The following NSUN7 variants were observed in gnomAD, a reference collection of about 807,000 sequenced individuals.
The protein encoded by NSUN7 is protein NSUN7.
In NSUN7, 39 loss-of-function variants were observed where a neutral mutation model predicts 58.5. The observed-to-expected ratio is 0.67, with a 90% CI of 0.52 to 0.87. The LOEUF (loss-of-function observed/expected upper bound fraction) is 0.87, where lower values mean the gene tolerates loss of function less well. NSUN7 is among the 40% of genes least tolerant of loss of function. The pLI, the probability that NSUN7 is intolerant of heterozygous loss-of-function variation, is 0.00. For synonymous variants in NSUN7, 278 were observed against 303.7 expected, an observed-to-expected ratio of 0.92 and a Z score of 0.88; for missense variants, 765 against 844.1, an observed-to-expected ratio of 0.91 and a Z score of 1.16.
Position 40,761,297 on chromosome 4 carries a change from A to G in NSUN7, c.484A>G (p.Asn162Asp). 1 of 1,599,120 alleles carries G rather than the reference A, an allele frequency of 6.3e-7. No homozygotes were observed. Among genetic ancestry groups the G allele is most frequent in the Non-Finnish European group, 8.5e-7 (1 of 1,175,000 alleles). The change falls in exon 4 of 12, where the codon AAC becomes GAC. Residue 162 changes from asparagine (N) to aspartate (D), a missense_variant. Transcript: ENST00000381782. ...AGTTCAAGAAGTAGAGAACCTTCTTAACAGGTAATCGTAAAAGTGAAAAGA... is the reference window on the plus strand; with the variant it reads ...AGTTCAAGAAGTAGAGAACCTTCTTGACAGGTAATCGTAAAAGTGAAAAGA... Reference protein sequence around the residue: ...SEVQEVENLLNSFKIKLAAAL... With the variant: ...SEVQEVENLLDSFKIKLAAAL...
chr4:40,772,174 C>A lies in NSUN7; in HGVS notation c.489-2091C>A, dbSNP rs550594944. Among the ~76,000 whole-genome samples the A allele has an allele frequency of 1.4e-4, 21 of 152,176 alleles. 1 individual carries two copies. The South Asian group carries it at 4.1e-3, about 30-fold the overall frequency. The stretch of plus-strand genomic sequence containing the variant: ...CTGGAAAATTGGAGATTTATTTCTC[C>A]TTACACTCCTCCCGTATACACAGCA... On this transcript the variant is annotated intron_variant, in intron 4 of 11. Coordinates refer to ENST00000381782, the MANE Select transcript of NSUN7 (RefSeq NM_024677.6).
At chr4:40,784,942 A>G (rs79311572) in intron 7 of NSUN7, among the ~76,000 whole-genome samples, 2,154 of 152,326 alleles carry the variant, frequency 0.014, 34 homozygotes, top group African/African-American at 0.043. Flanking sequence ...CACCGTACCT[A>G]GTGACTGCAC....
In NSUN7 at chr4:40,750,913, C is replaced by T. The variant is rs545916108; in HGVS notation, c.220C>T (p.Pro74Ser). 2.0e-5 allele frequency: 32 copies of T among 1,614,182 alleles called. No homozygotes were observed. The East Asian group carries it at 6.7e-4, about 34-fold the overall frequency. Residue 74 changes from proline (P) to serine (S), a missense_variant, in exon 2 of 12, where the codon CCC becomes TCC. Pro to Ser is a moderately conservative substitution (Grantham distance 74). Coordinates refer to ENST00000381782, the MANE Select transcript of NSUN7 (RefSeq NM_024677.6). ...QKVLIKYGNE[P>S]LRSLSESEDQ... ...AGTCTTAATCAAGTATGGGAATGAA[C>T]CCCTGCGGTCCTTGTCCGAGTCTGA...
rs759132900 is a variant in NSUN7 at position 40,808,665 on chromosome 4, G to A, written c.1883G>A (p.Arg628His). The change falls in exon 12 of 12, where the codon CGT becomes CAT. Residue 628 changes from arginine to histidine, a missense_variant. Transcript: ENST00000381782. ...FVKNTCPSRP[R>H]ERQTHFLRPR... ...AAGAACACTTGTCCCTCCAGACCGC[G>A]TGAACGGCAGACACACTTCTTAAGA... 37 of 1,551,672 alleles carry A rather than the reference G, an allele frequency of 2.4e-5. No individual in the cohort carries two copies. Among genetic ancestry groups the A allele is most frequent in the South Asian group, 1.4e-4 (12 of 84,026 alleles).
intron 7 of NSUN7, among the ~76,000 whole-genome samples, chr4:40,779,477 G>A (rs879801909): frequency 5.3e-5 from 8 of 152,062 alleles, no homozygotes; most frequent in South Asian, 2.1e-4. Flanking sequence ...GATGGCAGGC[G>A]CCTGTAGTCC....
chr4:40,798,813 T>C lies in NSUN7; in HGVS notation c.1309T>C (p.Cys437Arg). The change falls in exon 10 of 12, where the codon TGC (cysteine) becomes CGC (arginine). Residue 437 changes from cysteine (C) to arginine (R), a missense_variant. By Grantham distance (180) the Cys-to-Arg change is radical (BLOSUM62 -3). Coordinates refer to ENST00000381782, the MANE Select transcript of NSUN7 (RefSeq NM_024677.6). ...KFTKAQAVVYCTCSVFPEENE... is the reference protein window; with the variant it reads ...KFTKAQAVVYRTCSVFPEENE... Reference sequence around the variant, plus strand: ...TACTAAAGCTCAAGCAGTTGTTTACTGCACATGTTCAGTTTTTCCAGAAGA... The same window carrying C: ...TACTAAAGCTCAAGCAGTTGTTTACCGCACATGTTCAGTTTTTCCAGAAGA... 1 of 1,610,982 alleles carries C rather than the reference T, an allele frequency of 6.2e-7. No individual in the cohort carries two copies. Among genetic ancestry groups the C allele is most frequent in the African/African-American group, 1.3e-5 (1 of 74,966 alleles).
intron 4 of NSUN7, among the ~76,000 whole-genome samples, chr4:40,768,520 A>G (rs1401264878): frequency 6.6e-6 from 1 of 152,182 alleles, no homozygotes; most frequent in Non-Finnish European, 1.5e-5. Context: ...AGGTTATAGA[A>G]GAAGAAGTAA....
intron 3 of NSUN7, among the ~76,000 whole-genome samples, chr4:40,760,784 A>T (rs1741417264): frequency 6.7e-6 from 1 of 148,728 alleles, no homozygotes; most frequent in Non-Finnish European, 1.5e-5. Context: ...TTGCTTGAAA[A>T]CCCAGGAGGC....
chr4:40,768,335 G>A (rs1006957514), intron 4 of NSUN7, among the ~76,000 whole-genome samples: 2 of 151,752 alleles, frequency 1.3e-5, no homozygotes, highest in Admixed American at 6.6e-5. Flanking sequence ...CCAAGTAGCT[G>A]GGATTACAGG....
intron 11 of NSUN7, 58 bp from the exon 12 acceptor site, chr4:40,808,249 T>C: frequency 6.6e-7 from 1 of 1,512,662 alleles, no homozygotes; most frequent in Non-Finnish European, 8.9e-7. Flanking sequence ...GATAAATATT[T>C]GCGGGAGACA....
At chr4:40,779,430 C>T (rs369646539) in intron 7 of NSUN7, among the ~76,000 whole-genome samples, 1 of 152,042 alleles carries the variant, frequency 6.6e-6, no homozygotes, top group South Asian at 2.1e-4. Flanking sequence ...GGTGAAACAG[C>T]GTCTTTACTA....
At chr4:40,803,670 G>GTA (rs1323312561) in intron 10 of NSUN7, among the ~76,000 whole-genome samples, 1 of 152,138 alleles carries the variant, frequency 6.6e-6, no homozygotes, top group Non-Finnish European at 1.5e-5. Context: ...ATTTTAAAGT[G>GTA]TACAATTCAG....
At chr4:40,770,602 C>T (rs370361932) in intron 4 of NSUN7, among the ~76,000 whole-genome samples, 1 of 152,182 alleles carries the variant, frequency 6.6e-6, no homozygotes, top group East Asian at 1.9e-4. Flanking sequence ...AAGAGAACCA[C>T]AGTTCTGATA....
chr4:40,808,213 A>T (rs952633664), intron 11 of NSUN7, 94 bp from the exon 12 acceptor site: 4 of 1,352,112 alleles, frequency 3.0e-6, no homozygotes, highest in Non-Finnish European at 4.0e-6. Context: ...TAATAAAGAG[A>T]GTCTTTTTAT....
intron 7 of NSUN7, among the ~76,000 whole-genome samples, chr4:40,780,992 A>T (rs1360531049): frequency 6.7e-6 from 1 of 149,716 alleles, no homozygotes; most frequent in Non-Finnish European, 1.5e-5. Flanking sequence ...AATTTTTTGT[A>T]TTTTTTTAGT....
At chr4:40,771,979 A>T (rs1390464030) in intron 4 of NSUN7, among the ~76,000 whole-genome samples, 4 of 151,996 alleles carry the variant, frequency 2.6e-5, no homozygotes, top group African/African-American at 9.7e-5. Context: ...ACAAGATAGC[A>T]TACTTCATCT....
At chr4:40,774,239 A>G in intron 4 of NSUN7, 26 bp from the exon 5 acceptor site, 2 of 1,609,974 alleles carry the variant, frequency 1.2e-6, no homozygotes, top group Non-Finnish European at 1.7e-6. Context: ...AATGCAATAG[A>G]TTAAGGATGG....
chr4:40,781,635 G>A (rs1400644743), intron 7 of NSUN7, among the ~76,000 whole-genome samples: 1 of 152,006 alleles, frequency 6.6e-6, no homozygotes, highest in Non-Finnish European at 1.5e-5. Flanking sequence ...TTGTAGAGAT[G>A]ACATCTCACT....
intron 4 of NSUN7, among the ~76,000 whole-genome samples, chr4:40,769,129 G>A (rs1360579407): frequency 6.6e-6 from 1 of 152,130 alleles, no homozygotes; most frequent in Admixed American, 6.5e-5. Flanking sequence ...GAGCCTGTGT[G>A]CTTCTTTCCA....
Sources: gnomAD v4.1 joint callset for allele counts (sites outside exome capture counted in the v4.1 genomes callset) on GRCh38, gnomAD v4.1.1 for gene constraint, MANE v1.5 for transcripts, NCBI Gene and HGNC (gene_info 2026-07-23, HGNC 2026-07-21) for gene names.